UNC13C: variants seen among roughly 807,000 people sequenced by gnomAD.
The protein encoded by UNC13C is unc-13 homolog C, also known as protein unc-13 homolog C.
Under a neutral mutation model 245.4 loss-of-function variants are expected in UNC13C, and 174 were observed. The observed-to-expected ratio is 0.71, with a 90% CI of 0.63 to 0.80. The LOEUF (loss-of-function observed/expected upper bound fraction) is 0.80. Ranked by LOEUF, UNC13C falls within the 30% of genes least tolerant of loss-of-function variation. UNC13C has a pLI of 0.00. For missense variants in UNC13C, 2,829 were observed against 2,602.9 expected (o/e 1.09, Z -1.89); for synonymous variants, 992 against 895.1 (o/e 1.11, Z -1.93).
intron 17 of UNC13C, among the ~76,000 whole-genome samples, chr15:54,369,616 A>G (rs2039443491): frequency 6.6e-6 from 1 of 152,182 alleles, no homozygotes; most frequent in Non-Finnish European, 1.5e-5. Flanking sequence ...GCCTAACTTT[A>G]GTTATTTACA....
rs141252841 is a variant in UNC13C at position 54,546,696 on chromosome 15, A to AAT, written c.5697-13_5697-12dup. On this transcript the variant is annotated intron_variant, in intron 26 of 32. Transcript: ENST00000260323. ...TACCTTGATCTGAAATTTAAAAGTG[A>AAT]ATATATATATATATTTTTTTTTCAG... 9.6e-4 allele frequency: 1,286 copies of AAT among 1,335,950 alleles called. 10 individuals carry two copies. In the African/African-American group the frequency reaches 0.02, roughly 21 times the overall value. The allele number at this position is 1,335,950 out of a possible 1,614,324, so 82.8% of individuals were successfully genotyped here.
chr15:54,200,686 A>C (rs1196651779), intron 4 of UNC13C, among the ~76,000 whole-genome samples: 1 of 152,040 alleles, frequency 6.6e-6, no homozygotes, highest in Non-Finnish European at 1.5e-5. Context: ...GCTAAGAGGA[A>C]AGTTCATATC....
At chr15:54,483,692 C>A (rs1893251337) in intron 19 of UNC13C, among the ~76,000 whole-genome samples, 1 of 152,140 alleles carries the variant, frequency 6.6e-6, no homozygotes, top group Non-Finnish European at 1.5e-5. Context: ...AATGGAGTTT[C>A]ACCCCGTCTG....
chr15:54,291,287 T>G, intron 10 of UNC13C, among the ~76,000 whole-genome samples: 1 of 151,994 alleles, frequency 6.6e-6, no homozygotes, highest in Non-Finnish European at 1.5e-5. Context: ...GTGAGCTTTG[T>G]TAGCTGCTCC....
intron 27 of UNC13C, among the ~76,000 whole-genome samples, chr15:54,548,742 T>C (rs1423922354): frequency 1.3e-5 from 2 of 152,254 alleles, no homozygotes; most frequent in South Asian, 4.1e-4. Context: ...GTATAAGGTT[T>C]TCCCTAGGAA....
chr15:54,324,389 T>A (rs960663919), intron 14 of UNC13C, among the ~76,000 whole-genome samples: 2 of 152,078 alleles, frequency 1.3e-5, no homozygotes, highest in Admixed American at 1.3e-4. Flanking sequence ...CTATGAGAAT[T>A]GTAAAACAAA....
intron 4 of UNC13C, among the ~76,000 whole-genome samples, chr15:54,170,708 C>T (rs529025621): frequency 7.2e-5 from 11 of 152,180 alleles, no homozygotes; most frequent in East Asian, 1.9e-4. Context: ...TCAGAAGGTA[C>T]GATACTCTGC....
chr15:54,237,412 G>A, intron 6 of UNC13C: 1 of 663,946 alleles, frequency 1.5e-6, no homozygotes, highest in South Asian at 1.6e-5. Context: ...GTAGGGGTTG[G>A]GTTTGATGAG....
intron 19 of UNC13C, among the ~76,000 whole-genome samples, chr15:54,465,915 A>G (rs1892139602): frequency 6.6e-6 from 1 of 152,034 alleles, no homozygotes; most frequent in South Asian, 2.1e-4. Context: ...CAATGTGCAA[A>G]AAGATTATGT....
At chr15:54,154,196 G>C (rs895887298) in intron 4 of UNC13C, among the ~76,000 whole-genome samples, 2 of 151,784 alleles carry the variant, frequency 1.3e-5, no homozygotes, top group South Asian at 2.1e-4. Flanking sequence ...CACCTCCTCT[G>C]TATTCTTCCT....
At chr15:53,957,293 C>A in the UNC13C span, among the ~76,000 whole-genome samples, 1 of 152,030 alleles carries the variant, frequency 6.6e-6, no homozygotes, top group African/African-American at 2.4e-5. Flanking sequence ...AGGTGTGCAC[C>A]ACTACGCCTG....
At chr15:54,026,525 A>G (rs959681643) in intron 2 of UNC13C, among the ~76,000 whole-genome samples, 2 of 152,216 alleles carry the variant, frequency 1.3e-5, no homozygotes, top group African/African-American at 4.8e-5. Flanking sequence ...TTGCAGTAAA[A>G]TCATCTGGAG....
At chr15:54,450,633 G>T (rs1284523624) in intron 19 of UNC13C, among the ~76,000 whole-genome samples, 1 of 152,242 alleles carries the variant, frequency 6.6e-6, no homozygotes, top group South Asian at 2.1e-4. Flanking sequence ...CACAGTATTA[G>T]GGTGGGAGTG....
At chr15:54,003,131 C>T (rs1249110932) in intron 1 of UNC13C, among the ~76,000 whole-genome samples, 2 of 152,116 alleles carry the variant, frequency 1.3e-5, no homozygotes, top group African/African-American at 2.4e-5. Flanking sequence ...AACCCTGCTG[C>T]CTGAATTCAG....
At chr15:54,363,617 C>T (rs961700990) in intron 17 of UNC13C, among the ~76,000 whole-genome samples, 1 of 152,166 alleles carries the variant, frequency 6.6e-6, no homozygotes, top group Non-Finnish European at 1.5e-5. Context: ...CGCAGCATGG[C>T]ATGATCAGAT....
intron 19 of UNC13C, among the ~76,000 whole-genome samples, chr15:54,467,096 C>G (rs1892213581): frequency 6.6e-6 from 1 of 151,790 alleles, no homozygotes; most frequent in Non-Finnish European, 1.5e-5. Context: ...ATGAGAATTT[C>G]TGGGCACAAA....
intron 10 of UNC13C, among the ~76,000 whole-genome samples, chr15:54,273,988 T>C (rs2036762039): frequency 6.6e-6 from 1 of 152,154 alleles, no homozygotes; most frequent in Non-Finnish European, 1.5e-5. Flanking sequence ...AATAATTCGT[T>C]GAACATGTAT....
chr15:53,850,712 G>T, the UNC13C span, among the ~76,000 whole-genome samples: 1 of 151,736 alleles, frequency 6.6e-6, no homozygotes, highest in Non-Finnish European at 1.5e-5. Context: ...TGATGTGTGG[G>T]TTTACCATTT....
chr15:54,127,357 A>G (rs536913676), intron 2 of UNC13C, among the ~76,000 whole-genome samples: 2 of 152,316 alleles, frequency 1.3e-5, no homozygotes, highest in East Asian at 1.9e-4. Context: ...CATATACACG[A>G]TGGAATACTA....
Sources: allele counts gnomAD v4.1 joint callset (sites outside exome capture counted in the v4.1 genomes callset), GRCh38; gene constraint gnomAD v4.1.1; transcripts MANE v1.5; gene names NCBI Gene and HGNC (gene_info 2026-07-23, HGNC 2026-07-21).